ANKS3: variants seen among roughly 807,000 people sequenced by gnomAD.
ANKS3 encodes ankyrin repeat and SAM domain-containing protein 3.
A neutral mutation model predicts 80.7 loss-of-function variants in ANKS3; 62 were observed. That is an observed-to-expected ratio of 0.77 (90% confidence interval 0.63 to 0.95). The LOEUF is 0.95. Among genes scored for constraint, ANKS3 ranks in the 40% least tolerant of loss-of-function variants. The probability of loss-of-function intolerance (pLI) is 0.00; values close to 1 mark genes in which losing one functional copy is unlikely to be tolerated. For missense variants in ANKS3, 1,150 were observed against 883.6 expected, an observed-to-expected ratio of 1.30 and a Z score of -3.82; for synonymous variants, 489 against 355.3, an observed-to-expected ratio of 1.38 and a Z score of -4.23.
chr16:4,698,761 G>A lies in ANKS3; in HGVS notation c.1551+39C>T, dbSNP rs776730310. 11 of 1,568,670 alleles carry A rather than the reference G, an allele frequency of 7.0e-6. No homozygotes were observed. The South Asian group carries it at 8.4e-5, about 12-fold the overall frequency. On this transcript the variant is annotated intron_variant, in intron 13 of 17. Transcript: ENST00000304283. ...TGTCAGAGATGGAGCCAACTCACGG[G>A]TGTCACCCTGCCCCCCCATCCCCCA...
At chr16:4,729,865 A>T in intron 3 of ANKS3, 115 bp downstream of exon 3, 1 of 1,061,564 alleles carries the variant, frequency 9.4e-7, no homozygotes, top group Non-Finnish European at 1.2e-6. Flanking sequence ...TAAGCAGGTT[A>T]ACCTATTCTA....
At position 4,729,971 on chromosome 16, in the gene ANKS3, A is replaced by G; in HGVS notation, c.170+9T>C. ...AAAATGTGAGAGGAAGTTCCCCGAG[A>G]TCTCTTACCGCTGCACACACTCCTT... On this transcript the variant is annotated intron_variant, in intron 3 of 17. Coordinates refer to ENST00000304283, the MANE Select transcript of ANKS3 (RefSeq NM_133450.4). 6.8e-7 allele frequency: 1 copy of G among 1,460,256 alleles called. No homozygotes were observed. Among genetic ancestry groups the G allele is most frequent in the South Asian group, 1.5e-5 (1 of 66,762 alleles). 90.5% of individuals were successfully genotyped at this position (1,460,256 alleles called of 1,614,324 possible).
At chr16:4,699,271 C>G in intron 11 of ANKS3, 95 bp from the exon 12 acceptor site, 1 of 1,499,206 alleles carries the variant, frequency 6.7e-7, no homozygotes. Context: ...TCCCCAGGCT[C>G]AGAACCAAGA....
chr16:4,725,375 C>A (rs552541312), intron 5 of ANKS3, among the ~76,000 whole-genome samples: 117 of 152,314 alleles, frequency 7.7e-4, no homozygotes, highest in Non-Finnish European at 1.5e-3. Context: ...AGTCAGGAAC[C>A]ATGCATGGGA....
At position 4,698,071 on chromosome 16, in the gene ANKS3, C is replaced by T. The variant is rs1287835734; in HGVS notation, c.1725-9G>A. 2 of 1,602,586 alleles carry T rather than the reference C, an allele frequency of 1.2e-6. No individual in the cohort carries two copies. Among genetic ancestry groups the T allele is most frequent in the African/African-American group, 2.7e-5 (2 of 74,800 alleles). On this transcript the variant is annotated splice_polypyrimidine_tract_variant and intron_variant, in intron 14 of 17. Coordinates refer to ENST00000304283, the MANE Select transcript of ANKS3 (RefSeq NM_133450.4). ...GCTCAGCTTGACAGGCTCTGCCAGA[C>T]ACAGAAACAAATATTGGTGAGAGCA... is the stretch of plus-strand genomic sequence containing the variant.
In ANKS3 at chr16:4,698,912, G is replaced by A. The variant is rs1425753089; in HGVS notation, c.1439C>T (p.Ser480Phe). 6.3e-7 allele frequency: 1 copy of A among 1,599,298 alleles called. No individual in the cohort carries two copies. Among genetic ancestry groups the A allele is most frequent in the Non-Finnish European group, 8.5e-7 (1 of 1,171,254 alleles). Residue 480 changes from serine to phenylalanine, a missense_variant, in exon 13 of 18, where the codon TCC becomes TTC. Transcript: ENST00000304283. Reference protein sequence around the residue: ...TLFGPKRKMTSAIARWHSSAR... With the variant: ...TLFGPKRKMTFAIARWHSSAR... ...ACTGCTGTGCCAGCGGGCAATGGCG[G>A]ACGTCATCTTCCTCTTGGGCCCAAA...
At position 4,698,959 on chromosome 16, in the gene ANKS3, C is replaced by G; in HGVS notation, c.1410-18G>C. On this transcript the variant is annotated intron_variant, in intron 12 of 17. Transcript: ENST00000304283. ...CAAACAGCCTGCGGGGGGAATGTGA[C>G]CAGGATATGCCTCAGCGTCCCAAGA... 2 of 1,608,012 alleles carry G rather than the reference C, an allele frequency of 1.2e-6. No individual in the cohort carries two copies. The highest frequency in any genetic ancestry group is 1.7e-6 in the Non-Finnish European group (2 of 1,175,910).
At position 4,730,153 on chromosome 16, in the gene ANKS3, TGAG is replaced by T. The variant is rs752317836; in HGVS notation, c.-2-5_-2-3del. The T allele has an allele frequency of 8.5e-6, 13 of 1,531,616 alleles. No individual in the cohort carries two copies. Among genetic ancestry groups the T allele is most frequent in the Non-Finnish European group, 1.1e-5 (13 of 1,132,326 alleles). 94.9% of individuals were successfully genotyped at this position (1,531,616 alleles called of 1,614,324 possible). ...CTTCATCGCTGAGCTCGGACATCACTGAGGAGGAAGGCCCAAGGGTTAGATCTT... is the reference window on the plus strand; with the variant it reads ...CTTCATCGCTGAGCTCGGACATCACTGAGGAAGGCCCAAGGGTTAGATCTT... On this transcript the variant is annotated splice_region_variant and splice_polypyrimidine_tract_variant and intron_variant, in intron 2 of 17. Transcript: ENST00000304283.
At chr16:4,705,421 C>T (rs1245817896) in intron 7 of ANKS3, among the ~76,000 whole-genome samples, 168 bp from the exon 8 acceptor site, 2 of 152,232 alleles carry the variant, frequency 1.3e-5, no homozygotes, top group Non-Finnish European at 2.9e-5. Flanking sequence ...CGGGGCGCTG[C>T]TCCAATGGGC....
At position 4,733,958 on chromosome 16, in the gene ANKS3, C is replaced by T. The variant is rs1292040600; in HGVS notation, c.-91G>A. ...CTCACAGCAGTGACGCTTCCCGACG[C>T]CCCCCGGCCACATCCCCACAGGAAC... On this transcript the variant is annotated 5_prime_UTR_variant, in exon 1 of 18. Coordinates refer to ENST00000304283, the MANE Select transcript of ANKS3 (RefSeq NM_133450.4). 1.0e-6 allele frequency: 1 copy of T among 985,454 alleles called. No homozygotes were observed. Among genetic ancestry groups the T allele is most frequent in the Non-Finnish European group, 1.2e-6 (1 of 829,976 alleles). The allele number at this position is 985,454 out of a possible 1,614,324, so 61.0% of individuals were successfully genotyped here. A position where few individuals can be genotyped will look rare whatever the true frequency, so the allele number is the denominator to read the frequency against.
Position 4,696,889 on chromosome 16 carries a change from G to C in ANKS3, c.*19C>G. The C allele has an allele frequency of 2.4e-6, 2 of 850,774 alleles. No individual in the cohort carries two copies. The highest frequency in any genetic ancestry group is 3.7e-6 in the Non-Finnish European group (2 of 534,752). The allele number at this position is 850,774 out of a possible 1,614,324, so 52.7% of individuals were successfully genotyped here. ...CTTCAGGGTGGACCAATCACCCAACGTCAGATTCTGAAAGAAAAAGCCCCG... is the reference window on the plus strand; with the variant it reads ...CTTCAGGGTGGACCAATCACCCAACCTCAGATTCTGAAAGAAAAAGCCCCG... On this transcript the variant is annotated 3_prime_UTR_variant, in exon 18 of 18. Transcript: ENST00000304283.
chr16:4,704,691 C>G (rs2080091735), intron 8 of ANKS3, among the ~76,000 whole-genome samples: 1 of 152,208 alleles, frequency 6.6e-6, no homozygotes, highest in African/African-American at 2.4e-5. Flanking sequence ...TCTTGGCCTC[C>G]TGCCCCCAGC....
chr16:4,700,892 A>G (rs755286694), intron 11 of ANKS3, 78 bp downstream of exon 11: 2 of 1,565,336 alleles, frequency 1.3e-6, no homozygotes, highest in Non-Finnish European at 8.8e-7. Flanking sequence ...CTGGCACGTC[A>G]TATACACAAC....
intron 6 of ANKS3, among the ~76,000 whole-genome samples, 161 bp downstream of exon 6, chr16:4,724,589 C>G (rs1390415327): frequency 2.0e-5 from 3 of 152,184 alleles, no homozygotes; most frequent in Non-Finnish European, 4.4e-5. Flanking sequence ...AATGCCTAAG[C>G]ACCACTCAAC....
intron 1 of ANKS3, among the ~76,000 whole-genome samples, chr16:4,732,316 C>G (rs765325467): frequency 9.9e-5 from 15 of 152,112 alleles, no homozygotes; most frequent in Non-Finnish European, 2.2e-4. Flanking sequence ...CCTTCCATAC[C>G]TCCCTCAAGC....
At chr16:4,724,149 G>A (rs1357447599) in intron 6 of ANKS3, among the ~76,000 whole-genome samples, 2 of 152,166 alleles carry the variant, frequency 1.3e-5, no homozygotes, top group African/African-American at 4.8e-5. Context: ...GATATTCCCG[G>A]AACACTGTTT....
intron 3 of ANKS3, 93 bp from the exon 4 acceptor site, chr16:4,727,270 T>G (rs545103430): frequency 1.5e-6 from 2 of 1,342,698 alleles, no homozygotes; most frequent in Non-Finnish European, 2.1e-6. Flanking sequence ...GCGGGATGAG[T>G]TGACAGGAAG....
chr16:4,698,239 T>G, intron 14 of ANKS3, 177 bp from the exon 15 acceptor site: 4 of 1,127,568 alleles, frequency 3.5e-6, no homozygotes, highest in Non-Finnish European at 3.7e-6. Context: ...CGGTGCAGAT[T>G]CCCGGACCCA....
intron 5 of ANKS3, 112 bp downstream of exon 5, chr16:4,726,547 C>T (rs890914275): frequency 3.5e-5 from 41 of 1,164,034 alleles, no homozygotes; most frequent in Admixed American, 8.4e-5. Context: ...TTGAGCCTCT[C>T]GTGCCGAAGC....
Sources: allele counts gnomAD v4.1 joint callset (sites outside exome capture counted in the v4.1 genomes callset), GRCh38; gene constraint gnomAD v4.1.1; transcripts MANE v1.5; gene names NCBI Gene and HGNC (gene_info 2026-07-23, HGNC 2026-07-21).